SLC30A7: variants seen among roughly 807,000 people sequenced by gnomAD.
The protein encoded by SLC30A7 is solute carrier family 30 member 7.
In SLC30A7, 35 loss-of-function variants were observed where a neutral mutation model predicts 46.0. The ratio of observed to expected loss-of-function variants is 0.76; its 90% CI spans 0.58 to 1.01. SLC30A7 has a LOEUF of 1.01. Among genes scored for constraint, SLC30A7 ranks in the 50% least tolerant of loss-of-function variants. The pLI, the probability that SLC30A7 is intolerant of heterozygous loss-of-function variation, is 0.00. For missense variants in SLC30A7, 464 were observed against 451.1 expected, an observed-to-expected ratio of 1.03 and a Z score of -0.26; for synonymous variants, 147 against 157.8, an observed-to-expected ratio of 0.93 and a Z score of 0.51.
chr1:100,897,476 G>A (rs1267911671), intron 2 of SLC30A7, among the ~76,000 whole-genome samples: 1 of 152,148 alleles, frequency 6.6e-6, no homozygotes, highest in Non-Finnish European at 1.5e-5. Context: ...TCTGATGAAA[G>A]CCAATACTCA....
At chr1:100,936,931 CT>C in intron 8 of SLC30A7, among the ~76,000 whole-genome samples, 1 of 152,128 alleles carries the variant, frequency 6.6e-6, no homozygotes, top group Non-Finnish European at 1.5e-5. Context: ...TCAGAATACC[CT>C]TTCTTTTTAA....
At position 100,929,716 on chromosome 1, in the gene SLC30A7, G is replaced by GT. The variant is rs907960305; in HGVS notation, c.842+7886dup. Among the ~76,000 whole-genome samples, 475 of 146,084 alleles carry GT rather than the reference G, an allele frequency of 3.3e-3. 2 individuals carry two copies. The highest frequency in any genetic ancestry group is 9.6e-3 in the African/African-American group (385 of 39,990). ...AAAGTTATTTCTTAGAAAAAGACAG[G>GT]TTTTTTTTTTTCAACATTTTCTACA... is the stretch of plus-strand genomic sequence containing the variant. On this transcript the variant is annotated intron_variant, in intron 8 of 10. Transcript: ENST00000357650.
At chr1:100,900,348 G>A (rs956390628) in intron 2 of SLC30A7, among the ~76,000 whole-genome samples, 2 of 152,142 alleles carry the variant, frequency 1.3e-5, no homozygotes, top group Non-Finnish European at 2.9e-5. Flanking sequence ...TTGAAGAAAT[G>A]TTTAAGACAA....
At chr1:100,959,914 G>A (rs1044411463) in intron 8 of SLC30A7, among the ~76,000 whole-genome samples, 65 of 152,122 alleles carry the variant, frequency 4.3e-4, no homozygotes, top group African/African-American at 1.4e-3. Flanking sequence ...AATAATCCAC[G>A]TAAAAGATAC....
intron 6 of SLC30A7, 103 bp downstream of exon 6, chr1:100,913,909 C>G: frequency 6.8e-7 from 1 of 1,466,358 alleles, no homozygotes; most frequent in Non-Finnish European, 9.1e-7. Flanking sequence ...ACCAAATCAA[C>G]TTCTTTTCTA....
intron 10 of SLC30A7, among the ~76,000 whole-genome samples, 197 bp from the exon 11 acceptor site, chr1:100,974,613 C>CT (rs914811011): frequency 3.7e-4 from 53 of 144,066 alleles, no homozygotes; most frequent in South Asian, 6.6e-4. Context: ...TAACATGGCT[C>CT]TTTTTTTTTT....
intron 8 of SLC30A7, among the ~76,000 whole-genome samples, chr1:100,936,798 T>G (rs1211560993): frequency 6.6e-6 from 1 of 152,176 alleles, no homozygotes; most frequent in Non-Finnish European, 1.5e-5. Flanking sequence ...TCTGTCTCTA[T>G]GAAGTTGTGA....
chr1:100,922,231 G>A (rs193121162), intron 8 of SLC30A7, among the ~76,000 whole-genome samples: 217 of 152,148 alleles, frequency 1.4e-3, no homozygotes, highest in Admixed American at 4.6e-3. Context: ...CTCTGAAAGC[G>A]CTGGGATTAC....
At chr1:100,957,612 G>A (rs1270166745) in intron 8 of SLC30A7, among the ~76,000 whole-genome samples, 1 of 152,106 alleles carries the variant, frequency 6.6e-6, no homozygotes, top group African/African-American at 2.4e-5. Flanking sequence ...CAGAACCCAA[G>A]TGTCATGGTT....
At chr1:100,916,172 A>G (rs1030350502) in intron 6 of SLC30A7, among the ~76,000 whole-genome samples, 3 of 150,926 alleles carry the variant, frequency 2.0e-5, no homozygotes, top group Non-Finnish European at 4.4e-5. Flanking sequence ...TAGTAGCTGT[A>G]TATTCTTATT....
At chr1:100,995,046 T>G in the SLC30A7 span, 21 of 1,159,432 alleles carry the variant, frequency 1.8e-5, no homozygotes, top group African/African-American at 1.4e-4. Context: ...GTCATTTAAG[T>G]AGAATGTATT....
intron 10 of SLC30A7, among the ~76,000 whole-genome samples, chr1:100,968,407 G>C (rs974031447): frequency 9.2e-5 from 14 of 151,710 alleles, no homozygotes; most frequent in African/African-American, 3.4e-4. Context: ...GTTGCAGTGA[G>C]CTGAGAGCAT....
chr1:100,943,657 T>C (rs1654473275), intron 8 of SLC30A7, among the ~76,000 whole-genome samples: 1 of 152,204 alleles, frequency 6.6e-6, no homozygotes, highest in Non-Finnish European at 1.5e-5. Context: ...GACATCACTT[T>C]AGAGAGTCCA....
rs533110566 is a variant in SLC30A7, at chr1:100,907,872, C to T, written c.296+907C>T. Among the ~76,000 whole-genome samples the T allele has an allele frequency of 5.9e-5, 9 of 152,132 alleles. No homozygotes were observed. In the South Asian group the frequency reaches 1.2e-3, roughly 21 times the overall value. On this transcript the variant is annotated intron_variant, in intron 3 of 10. Transcript: ENST00000357650. ...CTTCTCTTGTCTTTGCTTCTTGTCG[C>T]TTGGGCTTGTGCTCATGCTCTTTTT...
At chr1:100,969,869 G>A (rs1656060154) in intron 10 of SLC30A7, among the ~76,000 whole-genome samples, 1 of 151,992 alleles carries the variant, frequency 6.6e-6, no homozygotes, top group Non-Finnish European at 1.5e-5. Context: ...CTTTAGTTCT[G>A]ACTTATGCAG....
At chr1:100,903,746 A>G (rs1651459591) in intron 2 of SLC30A7, among the ~76,000 whole-genome samples, 1 of 152,132 alleles carries the variant, frequency 6.6e-6, no homozygotes, top group Admixed American at 6.6e-5. Flanking sequence ...TTGTTGGTAA[A>G]TGATGTGCTT....
intron 8 of SLC30A7, among the ~76,000 whole-genome samples, chr1:100,943,859 TA>T (rs1418682130): frequency 1.3e-5 from 2 of 152,236 alleles, no homozygotes; most frequent in Admixed American, 6.5e-5. Context: ...TAGCACATGA[TA>T]TATAGGTTTA....
intron 8 of SLC30A7, among the ~76,000 whole-genome samples, chr1:100,950,820 A>G (rs1654912635): frequency 1.3e-5 from 2 of 152,192 alleles, no homozygotes; most frequent in African/African-American, 4.8e-5. Flanking sequence ...GACATGATTC[A>G]TGTCCCCCTG....
chr1:100,967,489 AG>A (rs769719992), intron 10 of SLC30A7, among the ~76,000 whole-genome samples: 4 of 152,242 alleles, frequency 2.6e-5, no homozygotes, highest in Admixed American at 6.5e-5. Context: ...CCCAGGGGTT[AG>A]GGACCCCTGA....
Sources: gnomAD v4.1 joint callset for allele counts (sites outside exome capture counted in the v4.1 genomes callset) on GRCh38, gnomAD v4.1.1 for gene constraint, MANE v1.5 for transcripts, NCBI Gene and HGNC (gene_info 2026-07-23, HGNC 2026-07-21) for gene names.